TRIM39: variants seen among roughly 807,000 people sequenced by gnomAD.
TRIM39 encodes E3 ubiquitin-protein ligase TRIM39.
Under a neutral mutation model 53.6 loss-of-function variants are expected in TRIM39, and 5 were observed. That is an observed-to-expected ratio of 0.09 (90% CI 0.05 to 0.20). The LOEUF (loss-of-function observed/expected upper bound fraction) is 0.20. Among genes scored for constraint, TRIM39 ranks in the 10% least tolerant of loss-of-function variants. The pLI is 1.00. For synonymous variants in TRIM39, 196 were observed against 237.6 expected (o/e 0.82, Z 1.61); for missense variants, 310 against 621.0 (o/e 0.50, Z 5.32).
rs1160985694 is a variant in TRIM39, at chr6:30,339,413, C to T, written c.781-495C>T. On this transcript the variant is annotated intron_variant, in intron 5 of 7. Coordinates refer to ENST00000396551, the Ensembl canonical transcript of TRIM39. This position sits in a 1 kb window ranked among gnomAD's most constrained non-coding sequence, Gnocchi z 4.2. ...ATCCACCCGTCTTGGCCTCCCAAAG[C>T]GCTCAGATTACAGGCGTGAGCTACT... is the stretch of plus-strand genomic sequence containing the variant. Among the ~76,000 whole-genome samples the T allele has an allele frequency of 2.6e-5, 4 of 152,076 alleles. No homozygotes were observed. Among genetic ancestry groups the T allele is most frequent in the Admixed American group, 2.0e-4 (3 of 15,258 alleles).
At position 30,342,440 on chromosome 6, in the gene TRIM39, G is replaced by C; in HGVS notation, c.*181G>C. On this transcript the variant is annotated 3_prime_UTR_variant, in exon 8 of 8. Coordinates refer to ENST00000396551, the Ensembl canonical transcript of TRIM39. This position sits in a 1 kb window ranked among gnomAD's most constrained non-coding sequence, Gnocchi z 4.7. ...GGAGGTAGGACTGGGCTGGATGAGA[G>C]AGCACAGCTGTGACTTCCTCCTAAC... The C allele has an allele frequency of 4.6e-6, 3 of 646,588 alleles. No homozygotes were observed. In the East Asian group the frequency reaches 8.2e-5, roughly 18 times the overall value. 40.1% of individuals were successfully genotyped at this position (646,588 alleles called of 1,614,324 possible).
intron 5 of TRIM39, chr6:30,336,265 A>G (rs1054367437): frequency 1.1e-5 from 7 of 655,750 alleles, no homozygotes; most frequent in Admixed American, 6.4e-5. Flanking sequence ...GTGAAAAACT[A>G]TGCATTAAAA....
exon 8 of TRIM39, chr6:30,343,209 T>A (rs1787745781): frequency 6.5e-6 from 1 of 152,700 alleles, no homozygotes; most frequent in Non-Finnish European, 1.5e-5. Context: ...TTGTCAGCCT[T>A]CTTACCTGGC....
chr6:30,343,335 GTGC>G (rs1201339194), exon 8 of TRIM39: 1 of 152,662 alleles, frequency 6.6e-6, no homozygotes, highest in Non-Finnish European at 1.5e-5. Flanking sequence ...TTTGGCTTGT[GTGC>G]ATCTGGCCTG....
chr6:30,340,930 G>A (rs903904260), intron 7 of TRIM39, among the ~76,000 whole-genome samples: 2 of 152,140 alleles, frequency 1.3e-5, no homozygotes, highest in African/African-American at 4.8e-5. Flanking sequence ...TTCAAAGGCC[G>A]GGTGCGGTGG....
At chr6:30,340,120 C>T (rs1787324161) in intron 6 of TRIM39, 190 bp downstream of exon 6, 4 of 1,067,056 alleles carry the variant, frequency 3.7e-6, no homozygotes, top group Non-Finnish European at 5.6e-6. Flanking sequence ...ATCCCTTTTC[C>T]CCTTTGAACA....
At chr6:30,341,415 T>G in intron 7 of TRIM39, 1 of 667,074 alleles carries the variant, frequency 1.5e-6, no homozygotes, top group Non-Finnish European at 2.8e-6. Flanking sequence ...CTCTACATAG[T>G]GAGATAAATG....
Position 30,335,838 on chromosome 6 carries a change from C to G in TRIM39, c.643C>G (p.Leu215Val). The G allele has an allele frequency of 6.2e-7, 1 of 1,612,980 alleles. No individual in the cohort carries two copies. Among genetic ancestry groups the G allele is most frequent in the Non-Finnish European group, 8.5e-7 (1 of 1,180,020 alleles). The change falls in exon 5 of 8, where the codon CTG becomes GTG. Residue 215 changes from leucine (L) to valine (V), a missense_variant. Physicochemically the swap from Leu to Val is conservative, Grantham distance 32. Around this residue, in one of 5 missense-constraint regions of TRIM39, gnomAD observed 161 missense variants for 210.0 expected, o/e 0.77. Transcript: ENST00000396551. The surrounding 1 kb of genome is among the most constrained non-coding windows in gnomAD (Gnocchi z 4.7). ...AGAGCAGCAGGTGTTGCTTTCACGA[C>G]TGGAAGAAGAGGAACAGGACATTCT... is the stretch of plus-strand genomic sequence containing the variant.
At chr6:30,340,320 G>A in intron 6 of TRIM39, 185 bp from the exon 7 acceptor site, 6 of 1,612,978 alleles carry the variant, frequency 3.7e-6, no homozygotes, top group Non-Finnish European at 5.1e-6. Context: ...TCTGTCCACG[G>A]GATCATAAGG....
rs757133742 is a variant in TRIM39 at position 30,342,011 on chromosome 6, G to A, written c.1219G>A (p.Asp407Asn). 4 of 1,612,994 alleles carry A rather than the reference G, an allele frequency of 2.5e-6. No homozygotes were observed. The highest frequency in any genetic ancestry group is 1.1e-5 in the South Asian group (1 of 91,064). The change falls in exon 8 of 8, where the codon GAC becomes AAC. Residue 407 changes from aspartate (D) to asparagine (N), a missense_variant. Transcript: ENST00000396551. The surrounding 1 kb of genome is among the most constrained non-coding windows in gnomAD (Gnocchi z 4.7). ...CTGGCGGGTGCGGCTATGGAATGGG[G>A]ACAAATATGCAGCCACCACCACACC...
chr6:30,331,485 A>G (rs1432577239), intron 4 of TRIM39, among the ~76,000 whole-genome samples: 1 of 152,156 alleles, frequency 6.6e-6, no homozygotes, highest in Non-Finnish European at 1.5e-5. Context: ...TTTTTGTTAA[A>G]GCAGCAAAGG....
exon 4 of TRIM39, chr6:30,330,846 C>T: frequency 3.1e-6 from 5 of 1,614,168 alleles, no homozygotes; most frequent in Non-Finnish European, 4.2e-6. Context: ...GCTGCAAGTC[C>T]TCTGAGGAGA....
intron 7 of TRIM39, 70 bp downstream of exon 7, chr6:30,340,690 A>T: frequency 2.0e-6 from 3 of 1,498,048 alleles, no homozygotes; most frequent in Non-Finnish European, 2.7e-6. Flanking sequence ...CCTACCTTAT[A>T]TGGGTTTCAG....
rs1352217195 is a variant in TRIM39 at position 30,335,311 on chromosome 6, C to T, written c.550-434C>T. 6.6e-6 allele frequency among the ~76,000 whole-genome samples: 1 copy of T among 151,840 alleles called. No homozygotes were observed. Among genetic ancestry groups the T allele is most frequent in the African/African-American group, 2.4e-5 (1 of 41,310 alleles). The stretch of plus-strand genomic sequence containing the variant: ...TTCTTTCTTTTCTTTCTGTCTTTGT[C>T]TTTCTGTCTTTCTTTCCTGTCTGTC... On this transcript the variant is annotated intron_variant, in intron 4 of 7. Coordinates refer to ENST00000396551, the Ensembl canonical transcript of TRIM39. The surrounding 1 kb of genome is among the most constrained non-coding windows in gnomAD (Gnocchi z 4.7).
intron 5 of TRIM39, among the ~76,000 whole-genome samples, chr6:30,337,735 C>T (rs1378369171): frequency 6.6e-6 from 1 of 152,192 alleles, no homozygotes; most frequent in African/African-American, 2.4e-5. Flanking sequence ...GCTGCCCTTG[C>T]TTCTAATAAG....
chr6:30,333,012 G>A (rs377413542), intron 4 of TRIM39, among the ~76,000 whole-genome samples: 1 of 152,276 alleles, frequency 6.6e-6, no homozygotes, highest in African/African-American at 2.4e-5. Flanking sequence ...GATAAAATGT[G>A]GTATGTAATA....
intron 7 of TRIM39, 161 bp from the exon 8 acceptor site, chr6:30,341,551 C>A: frequency 1.8e-6 from 2 of 1,090,974 alleles, no homozygotes; most frequent in Non-Finnish European, 2.7e-6. Context: ...GCTTTCTCCC[C>A]TTCCTTAGGT....
chr6:30,327,612 C>T (rs1785529374), intron 1 of TRIM39: 3 of 152,484 alleles, frequency 2.0e-5, no homozygotes, highest in Non-Finnish European at 2.9e-5. Flanking sequence ...TCTTCCCTAA[C>T]CCTTTCCCCA....
At chr6:30,330,708 G>T (rs1786040123) in intron 3 of TRIM39, 73 bp from the exon 4 acceptor site, 4 of 1,507,400 alleles carry the variant, frequency 2.7e-6, no homozygotes, top group Non-Finnish European at 3.6e-6. Context: ...AAAACAAATG[G>T]TTTAATCTCT....
Sources: allele counts gnomAD v4.1 joint callset (sites outside exome capture counted in the v4.1 genomes callset), GRCh38; gene constraint gnomAD v4.1.1; regional missense constraint gnomAD v4.1.1; non-coding constraint Gnocchi (gnomAD v3.1); transcripts MANE v1.5; gene names NCBI Gene and HGNC (gene_info 2026-07-23, HGNC 2026-07-21).